The following ST6GALNAC3 variants were observed in gnomAD, a reference collection of about 807,000 sequenced individuals.
ST6GALNAC3 encodes the protein alpha-N-acetylgalactosaminide alpha-2,6-sialyltransferase 3.
A neutral mutation model predicts 32.7 loss-of-function variants in ST6GALNAC3; 25 were observed. The ratio of observed to expected loss-of-function variants is 0.76; its 90% CI spans 0.56 to 1.07. The LOEUF (loss-of-function observed/expected upper bound fraction) is 1.07, where lower values mean the gene tolerates loss of function less well. Ranked by LOEUF, ST6GALNAC3 falls within the 50% of genes least tolerant of loss-of-function variation. ST6GALNAC3 has a pLI of 0.00. For missense variants in ST6GALNAC3, 355 were observed against 382.4 expected (o/e 0.93, Z 0.60); for synonymous variants, 129 against 133.1 (o/e 0.97, Z 0.21).
intron 2 of ST6GALNAC3, among the ~76,000 whole-genome samples, chr1:76,378,659 T>TCC (rs769233670): frequency 0.014 from 1,418 of 102,226 alleles, 27 homozygotes; most frequent in African/African-American, 0.05. Flanking sequence ...CGAAATTCCT[T>TCC]CCCCCCCCCA....
intron 3 of ST6GALNAC3, among the ~76,000 whole-genome samples, chr1:76,581,398 T>C (rs1646889885): frequency 6.6e-6 from 1 of 152,186 alleles, no homozygotes; most frequent in Non-Finnish European, 1.5e-5. Context: ...AGTGCATGTG[T>C]TATAATAAAA....
At chr1:76,421,957 T>C (rs1655055896) in intron 3 of ST6GALNAC3, among the ~76,000 whole-genome samples, 2 of 152,020 alleles carry the variant, frequency 1.3e-5, no homozygotes. Context: ...TTGAAATCCT[T>C]ACCTCACATA....
intron 1 of ST6GALNAC3, chr1:76,307,899 C>G (rs776039091): frequency 3.9e-6 from 2 of 515,820 alleles, no homozygotes; most frequent in East Asian, 1.1e-4. Flanking sequence ...AGGTATTTCT[C>G]CTATGAAGTC....
chr1:76,446,953 A>G (rs1293182941), intron 3 of ST6GALNAC3, among the ~76,000 whole-genome samples: 1 of 152,186 alleles, frequency 6.6e-6, no homozygotes, highest in Non-Finnish European at 1.5e-5. Context: ...TGGTACCAGT[A>G]GAGTGGGGCA....
intron 3 of ST6GALNAC3, among the ~76,000 whole-genome samples, chr1:76,417,620 A>G (rs552792454): frequency 6.6e-6 from 1 of 152,196 alleles, no homozygotes; most frequent in Non-Finnish European, 1.5e-5. Context: ...AATGTGAGAT[A>G]TTCTGCTTTC....
At position 76,110,183 on chromosome 1, in the gene ST6GALNAC3, T is replaced by C. The variant is rs987394156; in HGVS notation, c.18+35299T>C. ...ACATATGCGGAGAACTCTCATATTT[T>C]CCACATTCCTTTCTTCTTTGGAATC... On this transcript the variant is annotated intron_variant, in intron 1 of 4. Coordinates refer to ENST00000328299, the MANE Select transcript of ST6GALNAC3 (RefSeq NM_152996.4). Among the ~76,000 whole-genome samples the C allele has an allele frequency of 9.2e-5, 14 of 152,348 alleles. No individual in the cohort carries two copies. In the East Asian group the frequency reaches 2.3e-3, roughly 25 times the overall value.
chr1:76,393,963 G>C (rs1652754608), intron 2 of ST6GALNAC3, among the ~76,000 whole-genome samples: 1 of 152,162 alleles, frequency 6.6e-6, no homozygotes, highest in Admixed American at 6.5e-5. Context: ...AAAGATTCAA[G>C]AGGGGAGGGT....
intron 3 of ST6GALNAC3, among the ~76,000 whole-genome samples, chr1:76,558,411 A>T (rs777989613): frequency 6.6e-6 from 1 of 152,210 alleles, no homozygotes; most frequent in Non-Finnish European, 1.5e-5. Flanking sequence ...AAGCAGCCAT[A>T]AAAAATAATG....
At chr1:76,182,359 T>C (rs1166627362) in intron 1 of ST6GALNAC3, among the ~76,000 whole-genome samples, 3 of 152,222 alleles carry the variant, frequency 2.0e-5, no homozygotes, top group African/African-American at 7.2e-5. Flanking sequence ...CAATAGTCTT[T>C]TCTGTAGCAT....
chr1:76,540,940 G>A (rs983037158), intron 3 of ST6GALNAC3, among the ~76,000 whole-genome samples: 1 of 152,166 alleles, frequency 6.6e-6, no homozygotes, highest in Non-Finnish European at 1.5e-5. Flanking sequence ...ATGTAATGTG[G>A]TAAGTGTGAT....
intron 1 of ST6GALNAC3, among the ~76,000 whole-genome samples, chr1:76,305,049 A>C (rs1660963156): frequency 1.3e-5 from 2 of 152,034 alleles, no homozygotes; most frequent in African/African-American, 4.8e-5. Context: ...CCTCAACAGA[A>C]TGCCCGGCGC....
At chr1:76,192,784 A>G (rs1653977305) in intron 1 of ST6GALNAC3, among the ~76,000 whole-genome samples, 1 of 152,182 alleles carries the variant, frequency 6.6e-6, no homozygotes, top group Non-Finnish European at 1.5e-5. Flanking sequence ...CCACTTTCAT[A>G]GACTCCCAGG....
At chr1:76,174,922 C>T (rs545395839) in intron 1 of ST6GALNAC3, among the ~76,000 whole-genome samples, 1 of 152,232 alleles carries the variant, frequency 6.6e-6, no homozygotes, top group South Asian at 2.1e-4. Context: ...TCTGCCTCAG[C>T]CTTCCAAAGT....
chr1:76,280,739 C>T (rs148041569), intron 1 of ST6GALNAC3, among the ~76,000 whole-genome samples: 125 of 152,280 alleles, frequency 8.2e-4, no homozygotes, highest in African/African-American at 2.4e-3. Flanking sequence ...ATCTCAGATT[C>T]GTCATTTACT....
intron 3 of ST6GALNAC3, among the ~76,000 whole-genome samples, chr1:76,479,896 A>C (rs1006760150): frequency 1.3e-5 from 2 of 152,060 alleles, no homozygotes; most frequent in African/African-American, 4.8e-5. Context: ...TATAAGCTGT[A>C]AAAAAAATCA....
chr1:76,600,617 G>A (rs904761863), intron 3 of ST6GALNAC3, among the ~76,000 whole-genome samples: 6 of 152,164 alleles, frequency 3.9e-5, no homozygotes, highest in African/African-American at 1.4e-4. Flanking sequence ...TTCCAACCCT[G>A]TGGTTATGTC....
At position 76,633,224 on chromosome 1, in the gene ST6GALNAC3, T is replaced by A. The variant is rs986558357; in HGVS notation, c.*4418T>A. On this transcript the variant is annotated 3_prime_UTR_variant, in exon 5 of 5. Coordinates refer to ENST00000328299, the MANE Select transcript of ST6GALNAC3 (RefSeq NM_152996.4). ...TTCTCTAGTGCTTTTTCCACTACAC[T>A]TTTTAGACAGAAGAGTAGCTGGAAA... 6.6e-6 allele frequency: 1 copy of A among 152,180 alleles called. No individual in the cohort carries two copies. Among genetic ancestry groups the A allele is most frequent in the African/African-American group, 2.4e-5 (1 of 41,454 alleles). The allele number at this position is 152,180 out of a possible 1,614,324, so 9.4% of individuals were successfully genotyped here.
chr1:76,170,674 T>C (rs368279109), intron 1 of ST6GALNAC3, among the ~76,000 whole-genome samples: 1 of 152,184 alleles, frequency 6.6e-6, no homozygotes, highest in East Asian at 1.9e-4. Context: ...GCTAGTTTAA[T>C]TTACAAATGG....
intron 3 of ST6GALNAC3, among the ~76,000 whole-genome samples, chr1:76,506,602 A>G: frequency 6.6e-6 from 1 of 152,254 alleles, no homozygotes; most frequent in East Asian, 1.9e-4. Flanking sequence ...CTAGGAATAT[A>G]TCGACATGCT....
Sources: gnomAD v4.1 joint callset for allele counts (sites outside exome capture counted in the v4.1 genomes callset) on GRCh38, gnomAD v4.1.1 for gene constraint, MANE v1.5 for transcripts, NCBI Gene and HGNC (gene_info 2026-07-23, HGNC 2026-07-21) for gene names.